WHR1: variants seen among roughly 807,000 people sequenced by gnomAD.
The protein encoded by WHR1 is winged helix repair factor 1.
chr6:31,975,935 G>C, the WHR1 span, among the ~76,000 whole-genome samples: 1 of 143,760 alleles, frequency 7.0e-6, no homozygotes, highest in East Asian at 2.1e-4. Context: ...CCTCCCGGAC[G>C]GGGCGGCTGG....
At chr6:31,971,621 G>A in the WHR1 span, 1 of 1,612,542 alleles carries the variant, frequency 6.2e-7, no homozygotes, top group Non-Finnish European at 8.5e-7. The surrounding 1 kb of genome is among the most constrained non-coding windows in gnomAD (Gnocchi z 4.5). Context: ...AGTTTGTTCC[G>A]AGGCTCAGCT....
the WHR1 span, chr6:31,978,771 A>G: frequency 1.4e-6 from 1 of 717,236 alleles, no homozygotes; most frequent in Non-Finnish European, 2.3e-6. Context: ...ATTTTCTCAC[A>G]CAGTTTTTCC....
the WHR1 span, among the ~76,000 whole-genome samples, chr6:31,974,453 C>T: frequency 2.0e-5 from 3 of 152,142 alleles, no homozygotes; most frequent in Non-Finnish European, 4.4e-5. Flanking sequence ...TGTGGTGGCT[C>T]ATGCCTGTAC....
the WHR1 span, chr6:31,972,865 A>G: frequency 1.3e-6 from 2 of 1,552,636 alleles, no homozygotes; most frequent in Admixed American, 1.8e-5. This position sits in a 1 kb window ranked among gnomAD's most constrained non-coding sequence, Gnocchi z 6.3. Context: ...CTTTCAGGCG[A>G]GGGCACTGTG....
At chr6:31,980,116 G>A in the WHR1 span, 8 of 328,242 alleles carry the variant, frequency 2.4e-5, no homozygotes, top group South Asian at 3.0e-4. Flanking sequence ...TGGCAGGAGC[G>A]CAGAAGACTC....
At chr6:31,973,086 T>C in the WHR1 span, 1 of 583,618 alleles carries the variant, frequency 1.7e-6, no homozygotes, top group South Asian at 1.6e-5. Context: ...GGCGATGGGC[T>C]GGTAGAGAAT....
chr6:31,979,006 A>G, the WHR1 span: 1 of 1,611,282 alleles, frequency 6.2e-7, no homozygotes, highest in South Asian at 1.1e-5. Context: ...AGAGTATGTG[A>G]CTGTGTGCGT....
chr6:31,979,358 G>C, the WHR1 span: 1 of 1,605,992 alleles, frequency 6.2e-7, no homozygotes, highest in Non-Finnish European at 8.5e-7. Context: ...CCTGGGGGTG[G>C]AGGTTGGTAG....
chr6:31,980,310 C>A, the WHR1 span: 1 of 762,118 alleles, frequency 1.3e-6, no homozygotes. Context: ...ACAGAACCAC[C>A]CCAGGCTGGG....
At chr6:31,980,773 G>A in the WHR1 span, 8 of 1,592,014 alleles carry the variant, frequency 5.0e-6, no homozygotes, top group South Asian at 3.4e-5. Flanking sequence ...CCATGTGCAC[G>A]ACCTCATTGG....
chr6:31,977,588 A>G, the WHR1 span, among the ~76,000 whole-genome samples: 3 of 151,446 alleles, frequency 2.0e-5, no homozygotes, highest in Non-Finnish European at 4.4e-5. Flanking sequence ...GGACCTCGTG[A>G]TCCACCCGTC....
chr6:31,972,902 C>A, the WHR1 span: 1 of 1,346,214 alleles, frequency 7.4e-7, no homozygotes, highest in Non-Finnish European at 1.0e-6. The surrounding 1 kb of genome is among the most constrained non-coding windows in gnomAD (Gnocchi z 6.3). Context: ...CACAGAGACC[C>A]TGTTAAAAGT....
the WHR1 span, chr6:31,972,391 G>T: frequency 6.2e-7 from 1 of 1,613,000 alleles, no homozygotes; most frequent in Non-Finnish European, 8.5e-7. The surrounding 1 kb of genome is among the most constrained non-coding windows in gnomAD (Gnocchi z 6.3). Flanking sequence ...CCCCTTCCCC[G>T]GTACCATAAA....
the WHR1 span, chr6:31,979,374 G>A: frequency 5.6e-6 from 9 of 1,611,090 alleles, no homozygotes; most frequent in African/African-American, 1.3e-5. Context: ...GGTAGAGAGT[G>A]AGGGTGGGGA....
chr6:31,980,140 C>T, the WHR1 span: 12,853 of 372,010 alleles, frequency 0.035, 276 homozygotes, highest in South Asian at 0.053. Context: ...TTCCTCTCCT[C>T]GGTCCTAAGA....
chr6:31,980,155 A>C, the WHR1 span: 1 of 423,860 alleles, frequency 2.4e-6, no homozygotes. Context: ...CTAAGACCGA[A>C]TGTGTGTCAG....
At chr6:31,979,903 C>G in the WHR1 span, 1 of 211,870 alleles carries the variant, frequency 4.7e-6, no homozygotes, top group African/African-American at 2.3e-5. Context: ...CACATTAAAA[C>G]AAAAAAAACC....
the WHR1 span, among the ~76,000 whole-genome samples, chr6:31,975,585 C>T: frequency 1.3e-5 from 2 of 150,988 alleles, no homozygotes; most frequent in African/African-American, 2.4e-5. Context: ...CTGCCTGCCT[C>T]GGCCTCCCAA....
chr6:31,980,482 C>T, the WHR1 span: 6 of 1,613,114 alleles, frequency 3.7e-6, no homozygotes, highest in South Asian at 2.2e-5. Flanking sequence ...CCTCACCGTC[C>T]GAGATGCTGG....
Sources: gnomAD v4.1 joint callset for allele counts (sites outside exome capture counted in the v4.1 genomes callset) on GRCh38, gnomAD v4.1.1 for gene constraint, Gnocchi (gnomAD v3.1) non-coding constraint, MANE v1.5 for transcripts, NCBI Gene and HGNC (gene_info 2026-07-23, HGNC 2026-07-21) for gene names.